ICE2: variants seen among roughly 807,000 people sequenced by gnomAD.
The protein encoded by ICE2 is interactor of little elongation complex ELL subunit 2.
Under a neutral mutation model 105.4 loss-of-function variants are expected in ICE2, and 87 were observed. The ratio of observed to expected loss-of-function variants is 0.83; its 90% CI spans 0.69 to 0.99. ICE2 has a LOEUF of 0.99. ICE2 is among the 50% of genes least tolerant of loss of function. The pLI, the probability that ICE2 is intolerant of heterozygous loss-of-function variation, is 0.00. For synonymous variants in ICE2, 399 were observed against 392.0 expected (o/e 1.02, Z -0.21); for missense variants, 1,323 against 1,146.7 (o/e 1.15, Z -2.22).
intron 14 of ICE2, among the ~76,000 whole-genome samples, chr15:60,429,725 G>C (rs2063414651): frequency 6.6e-6 from 1 of 152,160 alleles, no homozygotes; most frequent in East Asian, 1.9e-4. Flanking sequence ...AATAGGTGTT[G>C]ACAATTGCTC....
chr15:60,470,424 A>C (rs888300567), intron 3 of ICE2, among the ~76,000 whole-genome samples: 3 of 152,144 alleles, frequency 2.0e-5, no homozygotes, highest in Non-Finnish European at 4.4e-5. Context: ...GCATTCTGGA[A>C]GCCTGTAGGT....
intron 11 of ICE2, among the ~76,000 whole-genome samples, chr15:60,444,934 C>G (rs2063791421): frequency 6.6e-6 from 1 of 152,166 alleles, no homozygotes; most frequent in Non-Finnish European, 1.5e-5. Context: ...ATCTACCTGC[C>G]TTGGCCTCCA....
At chr15:60,429,723 T>G (rs572642171) in intron 14 of ICE2, among the ~76,000 whole-genome samples, 1 of 152,300 alleles carries the variant, frequency 6.6e-6, no homozygotes, top group Non-Finnish European at 1.5e-5. Context: ...AAAATAGGTG[T>G]TGACAATTGC....
At chr15:60,448,232 A>ATTTTC (rs2063869182) in intron 10 of ICE2, 87 bp from the exon 11 acceptor site, 1 of 822,956 alleles carries the variant, frequency 1.2e-6, no homozygotes, top group South Asian at 2.0e-5. Context: ...AACTATTTTA[A>ATTTTC]AACTTCTATC....
At chr15:60,429,970 G>A (rs994209179) in intron 14 of ICE2, among the ~76,000 whole-genome samples, 6 of 152,132 alleles carry the variant, frequency 3.9e-5, no homozygotes, top group Admixed American at 2.6e-4. Flanking sequence ...TACAAGTGCT[G>A]TACATGTCTA....
intron 5 of ICE2, among the ~76,000 whole-genome samples, chr15:60,457,233 T>G (rs918731406): frequency 1.1e-4 from 17 of 152,156 alleles, no homozygotes; most frequent in African/African-American, 4.1e-4. Flanking sequence ...ATGAGAAATG[T>G]TATAACTAAT....
At chr15:60,476,021 G>A (rs1321157014) in intron 3 of ICE2, 42 bp downstream of exon 3, 4 of 1,285,394 alleles carry the variant, frequency 3.1e-6, no homozygotes, top group South Asian at 1.4e-5. Flanking sequence ...TCAGAAAAAC[G>A]ACCATCAAAT....
At chr15:60,460,909 G>C (rs1406608085) in intron 5 of ICE2, among the ~76,000 whole-genome samples, 1 of 152,158 alleles carries the variant, frequency 6.6e-6, no homozygotes, top group South Asian at 2.1e-4. Flanking sequence ...AAAACTGTAA[G>C]CCCTTTAGAT....
chr15:60,430,727 C>G (rs1347624740), intron 14 of ICE2, among the ~76,000 whole-genome samples: 2 of 152,120 alleles, frequency 1.3e-5, no homozygotes, highest in East Asian at 3.8e-4. Flanking sequence ...GAGATTTTGA[C>G]TGTAAGTTCG....
chr15:60,439,449 T>G (rs1310060542), intron 12 of ICE2: 1 of 152,142 alleles, frequency 6.6e-6, no homozygotes, highest in Non-Finnish European at 1.5e-5. Context: ...GCTGCGATCT[T>G]GGCTCACTGC....
chr15:60,478,036 T>C lies in ICE2; in HGVS notation c.-59A>G. ...TTCACAGCTGCCTGGCTGCGAAGGC[T>C]CCAAGAGGCAGGATCCCTCCAGAAC... On this transcript the variant is annotated 5_prime_UTR_variant, in exon 2 of 16. Transcript: ENST00000261520. 1 of 1,510,122 alleles carries C rather than the reference T, an allele frequency of 6.6e-7. No individual in the cohort carries two copies. Among genetic ancestry groups the C allele is most frequent in the Admixed American group, 1.7e-5 (1 of 59,912 alleles). 93.5% of individuals were successfully genotyped at this position (1,510,122 alleles called of 1,614,324 possible).
rs778642816 is a variant in ICE2, at chr15:60,479,051, A to G, written c.-141T>C. ...CCCAGGCCGCAGCCACACACCACAC[A>G]CGCTCCACCCCACTCCTCACATTGT... is the stretch of plus-strand genomic sequence containing the variant. On this transcript the variant is annotated 5_prime_UTR_variant, in exon 1 of 16. Transcript: ENST00000261520. The G allele has an allele frequency of 2.2e-6, 1 of 455,534 alleles. No individual in the cohort carries two copies. Among genetic ancestry groups the G allele is most frequent in the Non-Finnish European group, 4.4e-6 (1 of 226,566 alleles). 28.2% of individuals were successfully genotyped at this position (455,534 alleles called of 1,614,324 possible).
In ICE2 at chr15:60,449,855, A is replaced by G. The variant is rs751882651; in HGVS notation, c.1126-14T>C. On this transcript the variant is annotated splice_polypyrimidine_tract_variant and intron_variant, in intron 9 of 15. Coordinates refer to ENST00000261520, the MANE Select transcript of ICE2 (RefSeq NM_024611.6). ...TTCACAGGACATCTTATGTAAATAA[A>G]TTGGTAAAGTATTAGTAAAAATTTC... is the stretch of plus-strand genomic sequence containing the variant. 22 of 1,589,436 alleles carry G rather than the reference A, an allele frequency of 1.4e-5. No homozygotes were observed. The highest frequency in any genetic ancestry group is 1.9e-5 in the Non-Finnish European group (22 of 1,168,276).
Position 60,448,884 on chromosome 15 carries a change from A to C in ICE2, c.2083T>G (p.Ser695Ala), listed in dbSNP as rs559027997. ...GPSDSSSWPK[S>A]GWPSAFQKPK... Reference sequence around the variant, plus strand: ...TTCTGAAATGCAGAAGGCCATCCAGATTTCGGCCAACTAGAGGAGTCTGAA... The same window carrying C: ...TTCTGAAATGCAGAAGGCCATCCAGCTTTCGGCCAACTAGAGGAGTCTGAA... The change falls in exon 10 of 16, where the codon TCT (serine) becomes GCT (alanine). Residue 695 changes from serine to alanine, a missense_variant. Physicochemically the swap from Ser to Ala is moderately conservative, Grantham distance 99. Coordinates refer to ENST00000261520, the MANE Select transcript of ICE2 (RefSeq NM_024611.6). 2.5e-6 allele frequency: 4 copies of C among 1,600,246 alleles called. No homozygotes were observed. Among genetic ancestry groups the C allele is most frequent in the South Asian group, 2.3e-5 (2 of 87,834 alleles).
chr15:60,447,911 G>T, intron 11 of ICE2, 59 bp downstream of exon 11: 1 of 1,346,910 alleles, frequency 7.4e-7, no homozygotes, highest in Non-Finnish European at 1.0e-6. Flanking sequence ...GTAATGGCAT[G>T]TTAAGTATCT....
chr15:60,477,954 A>T lies in ICE2; in HGVS notation c.24T>A (p.Ser8Arg). 1.2e-6 allele frequency: 2 copies of T among 1,614,104 alleles called. No individual in the cohort carries two copies. Among genetic ancestry groups the T allele is most frequent in the Non-Finnish European group, 1.7e-6 (2 of 1,179,966 alleles). Reference sequence around the variant, plus strand: ...CAACTCACCAATTCAGTCCTGGTTCACTTATGACCATCTTGGAGCTCATCT... The same window carrying T: ...CAACTCACCAATTCAGTCCTGGTTCTCTTATGACCATCTTGGAGCTCATCT... MSSKMVISEPGLNWDISP... is the reference protein window; with the variant it reads MSSKMVIREPGLNWDISP... The change falls in exon 2 of 16, where the codon AGT (serine) becomes AGA (arginine). Residue 8 changes from serine (S) to arginine (R), a missense_variant. By Grantham distance (110) the Ser-to-Arg change is moderately radical (BLOSUM62 -1). Transcript: ENST00000261520.
intron 9 of ICE2, chr15:60,451,207 T>A: frequency 1.6e-6 from 1 of 626,046 alleles, no homozygotes; most frequent in South Asian, 7.2e-5. Context: ...TAAAAAGGAA[T>A]CCAGAAAGTA....
chr15:60,432,960 C>A (rs927445040), intron 13 of ICE2, among the ~76,000 whole-genome samples: 2 of 152,066 alleles, frequency 1.3e-5, no homozygotes, highest in African/African-American at 4.8e-5. Context: ...AGCTAATATG[C>A]CGAAGAGTTT....
intron 11 of ICE2, chr15:60,447,674 C>T (rs904819381): frequency 1.0e-5 from 2 of 199,538 alleles, no homozygotes; most frequent in African/African-American, 4.6e-5. Context: ...ACTTGTGATA[C>T]CATGCCGGAG....
Sources: allele counts gnomAD v4.1 joint callset (sites outside exome capture counted in the v4.1 genomes callset), GRCh38; gene constraint gnomAD v4.1.1; transcripts MANE v1.5; gene names NCBI Gene and HGNC (gene_info 2026-07-23, HGNC 2026-07-21).